ZMYM2: variants seen among roughly 807,000 people sequenced by gnomAD.
ZMYM2 encodes the protein zinc finger MYM-type containing 2.
ZMYM2 carries 56 observed loss-of-function variants against 162.8 expected under a neutral mutation model. That is an observed-to-expected ratio of 0.34 (90% CI 0.28 to 0.43). The LOEUF (loss-of-function observed/expected upper bound fraction) is 0.43, where lower values mean the gene tolerates loss of function less well. Ranked by LOEUF, ZMYM2 falls within the 20% of genes least tolerant of loss-of-function variation. The pLI, the probability that ZMYM2 is intolerant of heterozygous loss-of-function variation, is 1.00. For synonymous variants in ZMYM2, 510 were observed against 541.6 expected, an observed-to-expected ratio of 0.94 and a Z score of 0.81; for missense variants, 1,275 against 1,621.8, an observed-to-expected ratio of 0.79 and a Z score of 3.67.
At chr13:19,983,233 C>T (rs752987076) in intron 2 of ZMYM2, among the ~76,000 whole-genome samples, 2 of 151,804 alleles carry the variant, frequency 1.3e-5, no homozygotes, top group Non-Finnish European at 2.9e-5. Context: ...CAACCTTTGC[C>T]TCCCACATTC....
At chr13:19,944,701 ACT>A in the ZMYM2 span, among the ~76,000 whole-genome samples, 3 of 151,906 alleles carry the variant, frequency 2.0e-5, no homozygotes, top group Non-Finnish European at 4.4e-5. Flanking sequence ...ATGGAGTCTC[ACT>A]CTGTTGCCCA....
At chr13:19,929,498 A>G in the ZMYM2 span, among the ~76,000 whole-genome samples, 1 of 152,102 alleles carries the variant, frequency 6.6e-6, no homozygotes, top group South Asian at 2.1e-4. Context: ...TCGACCTCCC[A>G]AAGTGCCGGG....
chr13:20,038,579 G>A (rs1416907852), intron 12 of ZMYM2, among the ~76,000 whole-genome samples: 1 of 152,134 alleles, frequency 6.6e-6, no homozygotes, highest in Non-Finnish European at 1.5e-5. Context: ...TCAGATAGTT[G>A]TAGGTGTGCG....
In ZMYM2 at chr13:20,051,477, G is replaced by A; in HGVS notation, c.2337G>A (p.Glu779=). The change falls in exon 13 of 25, where the codon GAG becomes GAA. Residue 779 remains glutamate, a synonymous_variant. Transcript: ENST00000610343. ...GTAAATCTCAAGGAACTCTTAAAGA[G>A]CGAGTTCAGTGGCGTGGGGAAATGA... ...DCCKSQGTLK[E]RVQWRGEMKH... The A allele has an allele frequency of 1.2e-6, 2 of 1,613,452 alleles. No homozygotes were observed. Among genetic ancestry groups the A allele is most frequent in the Non-Finnish European group, 1.7e-6 (2 of 1,179,570 alleles).
At chr13:19,955,337 A>G (rs1954482324), upstream of ZMYM2, among the ~76,000 whole-genome samples, 1 of 152,112 alleles carries the variant, frequency 6.6e-6, no homozygotes, top group African/African-American at 2.4e-5. Flanking sequence ...TTATACATGT[A>G]TGCTCGTTTC....
At chr13:19,991,464 A>C (rs1006848344) in intron 2 of ZMYM2, among the ~76,000 whole-genome samples, 5 of 152,080 alleles carry the variant, frequency 3.3e-5, no homozygotes, top group Admixed American at 2.6e-4. Context: ...ACTTCAGCAC[A>C]ACCTGGCATA....
chr13:20,063,037 ATT>A (rs1956346431), intron 18 of ZMYM2, 66 bp downstream of exon 18: 1 of 1,482,180 alleles, frequency 6.7e-7, no homozygotes, highest in South Asian at 1.4e-5. Flanking sequence ...ATCATTTACC[ATT>A]TGATGTTTGT....
chr13:20,061,155 A>G lies in ZMYM2; in HGVS notation c.2842A>G (p.Thr948Ala). The G allele has an allele frequency of 6.2e-7, 1 of 1,613,776 alleles. No individual in the cohort carries two copies. The highest frequency in any genetic ancestry group is 8.5e-7 in the Non-Finnish European group (1 of 1,179,802). Residue 948 changes from threonine (T) to alanine (A), a missense_variant, in exon 17 of 25, where the codon ACA becomes GCA. Transcript: ENST00000610343. Reference protein sequence around the residue: ...KSKVSSDALDTELLTMTDMMS... With the variant: ...KSKVSSDALDAELLTMTDMMS... ...CAAGGTTTCTTCAGATGCTCTTGAT[A>G]CAGAGTTGCTTACAATGACGGATAT...
At chr13:19,890,642 G>A in the ZMYM2 span, among the ~76,000 whole-genome samples, 15,488 of 151,416 alleles carry the variant, frequency 0.1, 1,012 homozygotes, top group Middle Eastern at 0.14. Context: ...AGGCTGAGGC[G>A]GGCAGATCAC....
chr13:20,003,908 C>CA (rs1950561861), intron 4 of ZMYM2, among the ~76,000 whole-genome samples: 1 of 152,206 alleles, frequency 6.6e-6, no homozygotes. Flanking sequence ...CTCAGCCTCC[C>CA]AAAGTGCTGG....
chr13:19,955,796 G>GT (rs1209468234), upstream of ZMYM2, among the ~76,000 whole-genome samples: 4 of 152,164 alleles, frequency 2.6e-5, no homozygotes, highest in Non-Finnish European at 4.4e-5. Context: ...CACAACAACT[G>GT]TTTATTACTT....
At chr13:19,987,035 G>C (rs1014262430) in intron 2 of ZMYM2, among the ~76,000 whole-genome samples, 2 of 148,638 alleles carry the variant, frequency 1.3e-5, no homozygotes, top group Admixed American at 6.8e-5. Flanking sequence ...AACCTGGGAG[G>C]TGGAGGTTGC....
chr13:19,871,957 TTTATTA>T, the ZMYM2 span, among the ~76,000 whole-genome samples: 5 of 151,850 alleles, frequency 3.3e-5, no homozygotes, highest in Admixed American at 2.6e-4. Context: ...GACTCATGTA[TTTATTA>T]TTATTATTAT....
At chr13:19,926,189 G>T in the ZMYM2 span, among the ~76,000 whole-genome samples, 1 of 151,490 alleles carries the variant, frequency 6.6e-6, no homozygotes, top group Non-Finnish European at 1.5e-5. Flanking sequence ...TCGAACTCCT[G>T]ACCTCAGGTG....
At chr13:19,954,851 C>T (rs1194966318), upstream of ZMYM2, among the ~76,000 whole-genome samples, 9 of 151,632 alleles carry the variant, frequency 5.9e-5, no homozygotes, top group East Asian at 1.9e-4. Flanking sequence ...TCACTCTTTG[C>T]CCAGGCTGGA....
chr13:20,063,609 C>T (rs1173590323), intron 18 of ZMYM2, among the ~76,000 whole-genome samples: 27 of 145,008 alleles, frequency 1.9e-4, no homozygotes, highest in Admixed American at 5.6e-4. Context: ...CGTGAAACCC[C>T]GTCTCTACTG....
chr13:19,984,215 ATATT>A (rs1490902828), intron 2 of ZMYM2, among the ~76,000 whole-genome samples: 29 of 152,182 alleles, frequency 1.9e-4, no homozygotes, highest in Admixed American at 3.9e-4. Context: ...AAATATATGA[ATATT>A]TATATTTTAA....
the ZMYM2 span, among the ~76,000 whole-genome samples, chr13:19,900,139 A>G: frequency 3.3e-5 from 5 of 152,118 alleles, no homozygotes; most frequent in African/African-American, 1.2e-4. Context: ...CATCTCTACT[A>G]AAAATACAAA....
intron 6 of ZMYM2, 32 bp downstream of exon 6, chr13:20,006,618 C>T (rs776023801): frequency 1.2e-6 from 2 of 1,600,296 alleles, no homozygotes; most frequent in Non-Finnish European, 8.5e-7. Context: ...ATTGGGCATT[C>T]TTTAGAATGT....
Sources: gnomAD v4.1 joint callset for allele counts (sites outside exome capture counted in the v4.1 genomes callset) on GRCh38, gnomAD v4.1.1 for gene constraint, MANE v1.5 for transcripts, NCBI Gene and HGNC (gene_info 2026-07-23, HGNC 2026-07-21) for gene names.